The following CERK variants were observed in gnomAD, a reference collection of about 807,000 sequenced individuals.
CERK encodes acylsphingosine kinase.
CERK carries 39 observed loss-of-function variants against 63.4 expected under a neutral mutation model. That is an observed-to-expected ratio of 0.61 (90% CI 0.48 to 0.80). The LOEUF (loss-of-function observed/expected upper bound fraction) is 0.80, where lower values mean the gene tolerates loss of function less well. Among genes scored for constraint, CERK ranks in the 30% least tolerant of loss-of-function variants. CERK has a pLI of 0.00. For synonymous variants in CERK, 302 were observed against 280.0 expected (o/e 1.08, Z -0.78); for missense variants, 670 against 714.1 (o/e 0.94, Z 0.70).
intron 1 of CERK, among the ~76,000 whole-genome samples, chr22:46,733,325 G>A (rs971641867): frequency 1.3e-5 from 2 of 149,342 alleles, no homozygotes; most frequent in Admixed American, 1.3e-4. Flanking sequence ...ATGGAGTCTC[G>A]CCGTGTTGCC....
intron 8 of CERK, among the ~76,000 whole-genome samples, chr22:46,696,967 T>C (rs1379273840): frequency 6.6e-6 from 1 of 152,188 alleles, no homozygotes; most frequent in African/African-American, 2.4e-5. Context: ...GTCGGGAGAA[T>C]GGCACAACCC....
At chr22:46,728,322 T>C (rs1282482219) in intron 1 of CERK, among the ~76,000 whole-genome samples, 1 of 152,070 alleles carries the variant, frequency 6.6e-6, no homozygotes, top group Non-Finnish European at 1.5e-5. Flanking sequence ...GGAACCCCGC[T>C]CTTCCCCCCG....
intron 1 of CERK, among the ~76,000 whole-genome samples, chr22:46,726,355 T>TGCCCACTGC (rs1373050825): frequency 2.6e-5 from 4 of 152,202 alleles, no homozygotes; most frequent in Non-Finnish European, 5.9e-5. Context: ...AGCAGGCCGC[T>TGCCCACTGC]GCCCACTGCG....
intron 9 of CERK, among the ~76,000 whole-genome samples, chr22:46,694,942 C>T (rs865993089): frequency 1.3e-5 from 2 of 152,220 alleles, no homozygotes; most frequent in African/African-American, 4.8e-5. Flanking sequence ...GCTCAGCCCC[C>T]ACTCCAACAG....
intron 8 of CERK, among the ~76,000 whole-genome samples, 178 bp from the exon 9 acceptor site, chr22:46,695,493 G>A (rs530749168): frequency 5.9e-5 from 9 of 152,250 alleles, no homozygotes; most frequent in Non-Finnish European, 1.3e-4. Flanking sequence ...CAGGGTCTCT[G>A]CCCTCCCTCA....
chr22:46,725,145 C>G (rs570512880), intron 1 of CERK, among the ~76,000 whole-genome samples: 103 of 152,352 alleles, frequency 6.8e-4, no homozygotes, highest in African/African-American at 2.3e-3. Flanking sequence ...TGAGACGCCT[C>G]CAGCCTAGCA....
At position 46,702,221 on chromosome 22, in the gene CERK, ATATGTGTGTG is replaced by A. The variant is rs1485587803; in HGVS notation, c.716-521_716-512del. ...GAGCCAAAAAGTTAAAAAAATATAT[ATATGTGTGTG>A]TGTGTGTGTGTGTGTGTGTGTGTGT... On this transcript the variant is annotated intron_variant, in intron 6 of 12. Transcript: ENST00000216264. 7.4e-3 allele frequency among the ~76,000 whole-genome samples: 837 copies of A among 113,364 alleles called. 13 individuals carry two copies. The highest frequency in any genetic ancestry group is 9.6e-3 in the Non-Finnish European group (563 of 58,590). 74.4% of individuals were successfully genotyped at this position (113,364 alleles called of 152,430 possible). A position where few individuals can be genotyped will look rare whatever the true frequency, so the allele number is the denominator to read the frequency against.
chr22:46,704,031 C>T (rs1229808229), intron 6 of CERK, among the ~76,000 whole-genome samples: 1 of 152,256 alleles, frequency 6.6e-6, no homozygotes, highest in African/African-American at 2.4e-5. Context: ...TCCCCAGACC[C>T]TCCCCCAGTG....
intron 3 of CERK, 104 bp downstream of exon 3, chr22:46,719,982 A>G: frequency 1.4e-6 from 2 of 1,391,094 alleles, no homozygotes; most frequent in Non-Finnish European, 2.0e-6. Flanking sequence ...CACCTGGGGT[A>G]TGGCCAGCTG....
At position 46,690,310 on chromosome 22, in the gene CERK, A is replaced by G; in HGVS notation, c.1333-110T>C. On this transcript the variant is annotated intron_variant, in intron 11 of 12. Transcript: ENST00000216264. ...AGCGCTGTCAGGCCTGGGTGCACAC[A>G]CGGCCCTTCTCGGAGGATGCGACTG... 6.7e-6 allele frequency: 5 copies of G among 747,716 alleles called. No individual in the cohort carries two copies. The South Asian group carries it at 8.7e-5, about 13-fold the overall frequency. The allele number at this position is 747,716 out of a possible 1,614,324, so 46.3% of individuals were successfully genotyped here. A position where few individuals can be genotyped will look rare whatever the true frequency, so the allele number is the denominator to read the frequency against.
chr22:46,737,022 G>A (rs950459123), intron 1 of CERK, among the ~76,000 whole-genome samples: 2 of 152,172 alleles, frequency 1.3e-5, no homozygotes, highest in South Asian at 2.1e-4. Flanking sequence ...GGCTGGGTGC[G>A]GTTGCTCACA....
chr22:46,731,725 C>T (rs577708089), intron 1 of CERK, among the ~76,000 whole-genome samples: 74 of 152,100 alleles, frequency 4.9e-4, no homozygotes, highest in Non-Finnish European at 3.1e-4. Context: ...ACGTGTGCCC[C>T]GGGAGCAGGT....
intron 5 of CERK, 123 bp from the exon 6 acceptor site, chr22:46,708,111 G>A (rs1337674651): frequency 3.5e-6 from 4 of 1,152,716 alleles, no homozygotes; most frequent in African/African-American, 3.1e-5. Flanking sequence ...GCATCTAGAA[G>A]TGCGGCTCCT....
intron 1 of CERK, among the ~76,000 whole-genome samples, chr22:46,732,545 T>A (rs967095312): frequency 2.6e-4 from 40 of 151,870 alleles, no homozygotes; most frequent in African/African-American, 8.4e-4. Context: ...TTCTCTGGGA[T>A]AGATAATCAA....
chr22:46,699,567 T>TA (rs2082773414), intron 7 of CERK, 102 bp from the exon 8 acceptor site: 1 of 1,100,764 alleles, frequency 9.1e-7, no homozygotes, highest in Non-Finnish European at 1.3e-6. Flanking sequence ...GAGTTACTTT[T>TA]AAAAAGTGTG....
intron 7 of CERK, among the ~76,000 whole-genome samples, chr22:46,701,267 G>A (rs1384527115): frequency 1.3e-5 from 2 of 152,356 alleles, no homozygotes; most frequent in East Asian, 3.9e-4. Flanking sequence ...ACAGCTGCCC[G>A]TGCCCACTGC....
intron 11 of CERK, among the ~76,000 whole-genome samples, chr22:46,690,833 CT>C (rs2082726515): frequency 6.6e-6 from 1 of 152,132 alleles, no homozygotes; most frequent in African/African-American, 2.4e-5. Context: ...CCACTTACAT[CT>C]TTACTGTGTC....
chr22:46,708,843 G>T (rs909573742), intron 5 of CERK, among the ~76,000 whole-genome samples: 3 of 152,140 alleles, frequency 2.0e-5, no homozygotes, highest in African/African-American at 7.2e-5. Context: ...AGAGAGGGTT[G>T]CAGGGGGAAG....
intron 1 of CERK, among the ~76,000 whole-genome samples, chr22:46,732,227 G>A (rs1161261460): frequency 2.0e-5 from 3 of 152,172 alleles, no homozygotes; most frequent in Non-Finnish European, 2.9e-5. Context: ...GCTTGTATGC[G>A]GGTGACAGGC....
Sources: gnomAD v4.1 joint callset for allele counts (sites outside exome capture counted in the v4.1 genomes callset) on GRCh38, gnomAD v4.1.1 for gene constraint, MANE v1.5 for transcripts, NCBI Gene and HGNC (gene_info 2026-07-23, HGNC 2026-07-21) for gene names.